CACNA1C: variants seen among roughly 807,000 people sequenced by gnomAD.
CACNA1C encodes calcium voltage-gated channel subunit alpha1 C, also known as voltage-dependent L-type calcium channel subunit alpha-1C.
CACNA1C carries 30 observed loss-of-function variants against 229.0 expected under a neutral mutation model. The ratio of observed to expected loss-of-function variants is 0.13; its 90% CI spans 0.10 to 0.18. The LOEUF is 0.18. CACNA1C is among the 10% of genes least tolerant of loss of function. The pLI, the probability that CACNA1C is intolerant of heterozygous loss-of-function variation, is 1.00. For synonymous variants in CACNA1C, 1,114 were observed against 1,132.5 expected (o/e 0.98, Z 0.33); for missense variants, 1,658 against 2,845.0 (o/e 0.58, Z 9.49).
At chr12:2,027,188 C>G (rs2047475292) in intron 1 of CACNA1C, among the ~76,000 whole-genome samples, 1 of 152,160 alleles carries the variant, frequency 6.6e-6, no homozygotes, top group Non-Finnish European at 1.5e-5. Context: ...AGTGCTTTGC[C>G]CTTTGGGTGG....
chr12:2,659,712 C>T (rs112190898), intron 34 of CACNA1C, among the ~76,000 whole-genome samples: 7,225 of 151,856 alleles, frequency 0.048, 528 homozygotes, highest in African/African-American at 0.16. Flanking sequence ...AAAATAAAAG[C>T]ATAAATTAAT....
intron 1 of CACNA1C, among the ~76,000 whole-genome samples, chr12:2,035,738 C>A (rs752172898): frequency 6.6e-6 from 1 of 152,204 alleles, no homozygotes; most frequent in African/African-American, 2.4e-5. Flanking sequence ...TTCCTACTTC[C>A]GAGGCAGGAC....
intron 10 of CACNA1C, among the ~76,000 whole-genome samples, chr12:2,554,618 G>A (rs4765957): frequency 0.89 from 134,981 of 152,206 alleles, 60,392 homozygotes; most frequent in Non-Finnish European, 0.95. Context: ...TGATGGCACC[G>A]AGGCACCCGG....
At chr12:2,425,353 T>A (rs1176524454) in intron 3 of CACNA1C, among the ~76,000 whole-genome samples, 1 of 152,260 alleles carries the variant, frequency 6.6e-6, no homozygotes, top group African/African-American at 2.4e-5. Flanking sequence ...ATTAATCATA[T>A]AAGCGAAAAT....
intron 3 of CACNA1C, among the ~76,000 whole-genome samples, chr12:2,437,184 T>TA (rs2099142819): frequency 6.6e-6 from 1 of 152,232 alleles, no homozygotes; most frequent in African/African-American, 2.4e-5. Context: ...GGTGGGTTCA[T>TA]AGCCAGTGGT....
chr12:2,053,154 G>T lies in CACNA1C; in HGVS notation c.-409G>T, dbSNP rs1281693814. On this transcript the variant is annotated 5_prime_UTR_variant, in exon 1 of 47. Transcript: ENST00000399655. The surrounding 1 kb of genome is among the most constrained non-coding windows in gnomAD (Gnocchi z 5.8). ...CAGGGGCCTCAGGAGGACTCGCTGG[G>T]AGTGGGCAGAGGCGCCTCGGCCCCT... 42 of 989,008 alleles carry T rather than the reference G, an allele frequency of 4.2e-5. No homozygotes were observed. The highest frequency in any genetic ancestry group is 5.0e-5 in the Non-Finnish European group (42 of 832,642). The allele number at this position is 989,008 out of a possible 1,614,324, so 61.3% of individuals were successfully genotyped here.
At position 2,512,532 on chromosome 12, in the gene CACNA1C, A is replaced by G. The variant is rs1055315049; in HGVS notation, c.1218-280A>G. On this transcript the variant is annotated intron_variant, in intron 8 of 46. Coordinates refer to ENST00000399655, the MANE Select transcript of CACNA1C (RefSeq NM_000719.7). This position sits in a 1 kb window ranked among gnomAD's most constrained non-coding sequence, Gnocchi z 4.3. ...AAAGCCTGTGATCATGATCCAGGAAAAGAGGGAGATGGACTTCATCCATCC... is the reference window on the plus strand; with the variant it reads ...AAAGCCTGTGATCATGATCCAGGAAGAGAGGGAGATGGACTTCATCCATCC... 1.4e-4 allele frequency among the ~76,000 whole-genome samples: 22 copies of G among 152,146 alleles called. No individual in the cohort carries two copies. The highest frequency in any genetic ancestry group is 3.1e-4 in the Non-Finnish European group (21 of 68,030).
Position 2,181,503 on chromosome 12 carries a change from C to T in CACNA1C, c.477+61073C>T, listed in dbSNP as rs1023211728. Among the ~76,000 whole-genome samples the T allele has an allele frequency of 2.0e-5, 3 of 152,070 alleles. No individual in the cohort carries two copies. Among genetic ancestry groups the T allele is most frequent in the Non-Finnish European group, 4.4e-5 (3 of 68,014 alleles). ...GTTCCAAAACTCAGTTGCTGAAAGG[C>T]GTAATAGGGGAGCGCAGATTTGAGG... On this transcript the variant is annotated intron_variant, in intron 3 of 46. Coordinates refer to ENST00000399655, the MANE Select transcript of CACNA1C (RefSeq NM_000719.7). This position sits in a 1 kb window ranked among gnomAD's most constrained non-coding sequence, Gnocchi z 4.0.
chr12:2,081,830 T>C (rs944240756), intron 1 of CACNA1C, among the ~76,000 whole-genome samples: 1 of 152,218 alleles, frequency 6.6e-6, no homozygotes, highest in Non-Finnish European at 1.5e-5. Flanking sequence ...TGAACTATTA[T>C]TTGAAATATT....
chr12:2,668,507 T>C (rs543771383), intron 37 of CACNA1C: 17 of 173,198 alleles, frequency 9.8e-5, no homozygotes, highest in Non-Finnish European at 1.9e-4. Flanking sequence ...GGGTAATTTA[T>C]AAGAAAACAG....
chr12:2,227,885 G>T (rs2063491671), intron 3 of CACNA1C, among the ~76,000 whole-genome samples: 1 of 152,132 alleles, frequency 6.6e-6, no homozygotes, highest in Admixed American at 6.5e-5. Context: ...TGACTTGATG[G>T]ACATATGGTA....
At chr12:2,086,048 CG>C (rs1158006607) in intron 1 of CACNA1C, among the ~76,000 whole-genome samples, 2 of 152,196 alleles carry the variant, frequency 1.3e-5, no homozygotes, top group Non-Finnish European at 2.9e-5. Context: ...GCAGATGCAG[CG>C]GGTTGGGCAT....
chr12:2,075,715 A>C lies in CACNA1C; in HGVS notation c.49+22104A>C, dbSNP rs369028571. Among the ~76,000 whole-genome samples the C allele has an allele frequency of 5.2e-4, 79 of 152,320 alleles. 1 individual carries two copies. Among genetic ancestry groups the C allele is most frequent in the African/African-American group, 1.9e-3 (77 of 41,574 alleles). ...GAATGTTCACAGAAGTGGCGTCAGTACCATGGACTTGTCCTTGTCCCAACC... is the reference window on the plus strand; with the variant it reads ...GAATGTTCACAGAAGTGGCGTCAGTCCCATGGACTTGTCCTTGTCCCAACC... On this transcript the variant is annotated intron_variant, in intron 1 of 46. Transcript: ENST00000399655.
intron 3 of CACNA1C, among the ~76,000 whole-genome samples, chr12:2,401,685 T>G (rs1474992527): frequency 4.6e-5 from 7 of 152,252 alleles, no homozygotes; most frequent in Admixed American, 4.6e-4. Context: ...AGTTTTCCCT[T>G]CTTTAAAATG....
chr12:2,679,323 C>A lies in CACNA1C; in HGVS notation c.5092-121C>A, dbSNP rs1216693426. 7.1e-6 allele frequency: 5 copies of A among 705,724 alleles called. No homozygotes were observed. Among genetic ancestry groups the A allele is most frequent in the Admixed American group, 2.9e-5 (1 of 34,028 alleles). The allele number at this position is 705,724 out of a possible 1,614,324, so 43.7% of individuals were successfully genotyped here. ...TGGCTCCCAGCAGGGCTGTGCCTAC[C>A]CGAAAGAAGGCAGCCCGCCTTCCCA... On this transcript the variant is annotated intron_variant, in intron 41 of 46. Transcript: ENST00000399655. The surrounding 1 kb of genome is among the most constrained non-coding windows in gnomAD (Gnocchi z 5.5).
In CACNA1C at chr12:2,611,162, A is replaced by G. The variant is rs565323959; in HGVS notation, c.3717+463A>G. ...TGGATGCGTTCGTTTTTGGTTGATC[A>G]ATGGGGAGAGGGGAGGAGATGGAGA... On this transcript the variant is annotated intron_variant, in intron 28 of 46. Coordinates refer to ENST00000399655, the MANE Select transcript of CACNA1C (RefSeq NM_000719.7). 8.4e-5 allele frequency among the ~76,000 whole-genome samples: 12 copies of G among 143,058 alleles called. 1 individual carries two copies. The highest frequency in any genetic ancestry group is 2.9e-4 in the African/African-American group (11 of 37,792). 93.9% of individuals were successfully genotyped at this position (143,058 alleles called of 152,430 possible).
intron 1 of CACNA1C, among the ~76,000 whole-genome samples, chr12:2,016,301 T>C (rs570960484): frequency 5.4e-4 from 82 of 152,170 alleles, no homozygotes; most frequent in African/African-American, 1.9e-3. Context: ...AATACATCAG[T>C]ACAACAAAAT....
At chr12:2,431,949 A>C (rs2099089804) in intron 3 of CACNA1C, among the ~76,000 whole-genome samples, 1 of 152,144 alleles carries the variant, frequency 6.6e-6, no homozygotes, top group Non-Finnish European at 1.5e-5. Context: ...CTCAAGGCTC[A>C]GCCCAACCCT....
intron 3 of CACNA1C, among the ~76,000 whole-genome samples, chr12:2,136,217 C>T (rs545475781): frequency 6.6e-6 from 1 of 151,546 alleles, no homozygotes; most frequent in South Asian, 2.1e-4. Flanking sequence ...GTGAGATGAA[C>T]CCGGTACCTC....
Sources: allele counts gnomAD v4.1 joint callset (sites outside exome capture counted in the v4.1 genomes callset), GRCh38; gene constraint gnomAD v4.1.1; non-coding constraint Gnocchi (gnomAD v3.1); transcripts MANE v1.5; gene names NCBI Gene and HGNC (gene_info 2026-07-23, HGNC 2026-07-21).